AGMO: variants seen among roughly 807,000 people sequenced by gnomAD.
The protein encoded by AGMO is glyceryl-ether monooxygenase.
AGMO carries 75 observed loss-of-function variants against 60.2 expected under a neutral mutation model. The ratio of observed to expected loss-of-function variants is 1.25; its 90% CI spans 1.03 to 1.51. AGMO has a LOEUF of 1.51. Ranked by LOEUF, AGMO falls within the 40% of genes most tolerant of loss-of-function variation. The pLI is 0.00. For missense variants in AGMO, 763 were observed against 525.5 expected, an observed-to-expected ratio of 1.45 and a Z score of -4.42; for synonymous variants, 261 against 177.1, an observed-to-expected ratio of 1.47 and a Z score of -3.76.
chr7:15,381,550 A>T (rs1783686232), intron 10 of AGMO, among the ~76,000 whole-genome samples: 1 of 152,208 alleles, frequency 6.6e-6, no homozygotes, highest in Non-Finnish European at 1.5e-5. Flanking sequence ...TTGTGGAGAT[A>T]AAGGAATGCT....
At chr7:15,546,045 C>G (rs1250502899) in intron 2 of AGMO, among the ~76,000 whole-genome samples, 1 of 152,014 alleles carries the variant, frequency 6.6e-6, no homozygotes, top group Non-Finnish European at 1.5e-5. Context: ...CAGTATTTCC[C>G]TTCACAGAGT....
chr7:15,125,940 C>T, the AGMO span, among the ~76,000 whole-genome samples: 1 of 152,178 alleles, frequency 6.6e-6, no homozygotes, highest in South Asian at 2.1e-4. Context: ...CTGTAAGTCA[C>T]CAAATACAGC....
rs115836839 is a variant in AGMO at position 15,508,673 on chromosome 7, G to A, written c.409+36099C>T. On this transcript the variant is annotated intron_variant, in intron 3 of 12. Transcript: ENST00000342526. The stretch of plus-strand genomic sequence containing the variant: ...GCACAAGACAGCCTCTGTACACTGC[G>A]CACAGTGGGAGATAGTCCACTTCTC... Among the ~76,000 whole-genome samples, 1,020 of 151,724 alleles carry A rather than the reference G, an allele frequency of 6.7e-3. 10 individuals carry two copies. Among genetic ancestry groups the A allele is most frequent in the African/African-American group, 0.023 (970 of 41,348 alleles).
chr7:15,471,403 G>A (rs758736913), intron 3 of AGMO, among the ~76,000 whole-genome samples: 18 of 151,812 alleles, frequency 1.2e-4, no homozygotes, highest in Non-Finnish European at 2.7e-4. Context: ...CCTCTTATAA[G>A]CATATTCCAT....
chr7:15,255,315 C>A (rs1379621263), intron 12 of AGMO, among the ~76,000 whole-genome samples: 1 of 152,062 alleles, frequency 6.6e-6, no homozygotes, highest in African/African-American at 2.4e-5. Context: ...ACCTAAGTAA[C>A]AAAACTGCAC....
chr7:15,347,188 C>T (rs1191029612), intron 12 of AGMO, among the ~76,000 whole-genome samples: 1 of 151,874 alleles, frequency 6.6e-6, no homozygotes, highest in Non-Finnish European at 1.5e-5. Context: ...TGTATAATTC[C>T]TGTTCAATTG....
chr7:15,220,418 T>C (rs1192348303), intron 12 of AGMO, among the ~76,000 whole-genome samples: 1 of 151,242 alleles, frequency 6.6e-6, no homozygotes, highest in African/African-American at 2.4e-5. Context: ...TGGGTTTCAA[T>C]GTGTTTCCCA....
At chr7:15,197,015 A>AC (rs560265459), downstream of AGMO, among the ~76,000 whole-genome samples, 316 of 152,106 alleles carry the variant, frequency 2.1e-3, 7 homozygotes, top group Non-Finnish European at 7.5e-4. Flanking sequence ...GTGAGATTTG[A>AC]AAAAAATGTT....
chr7:15,524,776 C>T (rs1042189195), intron 3 of AGMO, among the ~76,000 whole-genome samples: 4 of 151,268 alleles, frequency 2.6e-5, no homozygotes, highest in South Asian at 4.2e-4. Flanking sequence ...GCAGGAGAAT[C>T]ACTTGAATGC....
intron 9 of AGMO, 148 bp downstream of exon 9, chr7:15,387,258 T>C (rs1365530691): frequency 2.3e-6 from 2 of 861,156 alleles, no homozygotes; most frequent in African/African-American, 3.4e-5. Context: ...TGGATACTCA[T>C]TAAGTAAGTT....
chr7:15,211,467 A>T (rs374214119), intron 12 of AGMO, among the ~76,000 whole-genome samples: 1 of 152,096 alleles, frequency 6.6e-6, no homozygotes, highest in East Asian at 1.9e-4. Context: ...GTGGCATAAA[A>T]CTTTAGTGGG....
intron 3 of AGMO, among the ~76,000 whole-genome samples, chr7:15,533,274 T>A (rs1336603361): frequency 6.6e-6 from 1 of 152,078 alleles, no homozygotes; most frequent in Non-Finnish European, 1.5e-5. Context: ...TATTCATCAA[T>A]CTATTTTCTT....
intron 10 of AGMO, among the ~76,000 whole-genome samples, chr7:15,370,250 A>G (rs925670450): frequency 5.3e-5 from 8 of 152,328 alleles, no homozygotes; most frequent in East Asian, 1.9e-4. Context: ...TCATGCCTGC[A>G]TAGTAATCCA....
chr7:15,445,517 C>G (rs775682304), intron 3 of AGMO, among the ~76,000 whole-genome samples: 6 of 152,100 alleles, frequency 3.9e-5, no homozygotes, highest in Non-Finnish European at 8.8e-5. Flanking sequence ...GATGCCACTA[C>G]CAGAGCTACC....
At chr7:15,496,863 A>T (rs1480952413) in intron 3 of AGMO, among the ~76,000 whole-genome samples, 2 of 152,096 alleles carry the variant, frequency 1.3e-5, no homozygotes, top group Non-Finnish European at 2.9e-5. Flanking sequence ...TCTTTTATCA[A>T]TTATTGAGCA....
At chr7:15,440,324 A>G (rs1431656719) in intron 3 of AGMO, among the ~76,000 whole-genome samples, 1 of 152,176 alleles carries the variant, frequency 6.6e-6, no homozygotes, top group African/African-American at 2.4e-5. Context: ...ATACCACTCA[A>G]TCATAGGAGA....
chr7:15,464,428 T>A (rs1161635872), intron 3 of AGMO, among the ~76,000 whole-genome samples: 1 of 152,204 alleles, frequency 6.6e-6, no homozygotes, highest in Admixed American at 6.6e-5. Flanking sequence ...ACATGGTATA[T>A]CTGGAAATAA....
intron 12 of AGMO, among the ~76,000 whole-genome samples, chr7:15,260,096 A>C (rs1783224377): frequency 6.6e-6 from 1 of 151,650 alleles, no homozygotes; most frequent in African/African-American, 2.4e-5. Flanking sequence ...TGAATATTAA[A>C]ATTGAATTTA....
At chr7:15,172,748 T>C in the AGMO span, among the ~76,000 whole-genome samples, 6 of 152,094 alleles carry the variant, frequency 3.9e-5, no homozygotes, top group Admixed American at 1.3e-4. Context: ...GAATCCAGAA[T>C]TGGTAAAGAA....
Sources: gnomAD v4.1 joint callset for allele counts (sites outside exome capture counted in the v4.1 genomes callset) on GRCh38, gnomAD v4.1.1 for gene constraint, MANE v1.5 for transcripts, NCBI Gene and HGNC (gene_info 2026-07-23, HGNC 2026-07-21) for gene names.